The following DDAH1 variants were observed in gnomAD, a reference collection of about 807,000 sequenced individuals.
DDAH1 encodes dimethylarginine dimethylaminohydrolase 1, also known as N(G),N(G)-dimethylarginine dimethylaminohydrolase 1.
A neutral mutation model predicts 28.8 loss-of-function variants in DDAH1; 19 were observed. The ratio of observed to expected loss-of-function variants is 0.66; its 90% CI spans 0.46 to 0.97. The LOEUF is 0.97. Ranked by LOEUF, DDAH1 falls within the 50% of genes least tolerant of loss-of-function variation. The pLI, the probability that DDAH1 is intolerant of heterozygous loss-of-function variation, is 0.00. For missense variants in DDAH1, 326 were observed against 375.9 expected (o/e 0.87, Z 1.10); for synonymous variants, 153 against 154.4 (o/e 0.99, Z 0.07).
intron 1 of DDAH1, among the ~76,000 whole-genome samples, chr1:85,556,488 TAGA>T (rs910647892): frequency 1.4e-4 from 21 of 152,194 alleles, no homozygotes; most frequent in African/African-American, 4.6e-4. Context: ...CAAAGCATTC[TAGA>T]AGGACTGCTT....
At chr1:85,536,948 CATATATATATATATATATATAT>C (rs202209648) in intron 1 of DDAH1, among the ~76,000 whole-genome samples, 1 of 91,824 alleles carries the variant, frequency 1.1e-5, no homozygotes, top group Non-Finnish European at 2.2e-5. Flanking sequence ...GAAAATGTGG[CATATATATATATATATATATAT>C]ATATATATAT....
chr1:85,419,921 T>A (rs1317572677), intron 1 of DDAH1, among the ~76,000 whole-genome samples: 1 of 152,212 alleles, frequency 6.6e-6, no homozygotes, highest in African/African-American at 2.4e-5. Flanking sequence ...TTTCCTTGAT[T>A]TTTTAAAAAT....
At chr1:85,382,435 G>A (rs1651041256) in intron 1 of DDAH1, among the ~76,000 whole-genome samples, 1 of 152,116 alleles carries the variant, frequency 6.6e-6, no homozygotes, top group African/African-American at 2.4e-5. Flanking sequence ...AGCAGAGGCT[G>A]GCTTATGAGG....
rs41379646 is a variant in DDAH1, at chr1:85,342,468, A to G, written c.597+7947T>C. Among the ~76,000 whole-genome samples, 862 of 152,128 alleles carry G rather than the reference A, an allele frequency of 5.7e-3. 12 individuals are homozygous for G. Among genetic ancestry groups the G allele is most frequent in the African/African-American group, 0.02 (820 of 41,516 alleles). ...AATGCAAGCTTCCTGTTCTCAGAAAATGATAACATTAGTGATTTTGGTAAC... is the reference window on the plus strand; with the variant it reads ...AATGCAAGCTTCCTGTTCTCAGAAAGTGATAACATTAGTGATTTTGGTAAC... On this transcript the variant is annotated intron_variant, in intron 4 of 5. Transcript: ENST00000284031.
At chr1:85,430,224 T>C (rs1251499612) in intron 1 of DDAH1, among the ~76,000 whole-genome samples, 1 of 152,220 alleles carries the variant, frequency 6.6e-6, no homozygotes, top group Non-Finnish European at 1.5e-5. Flanking sequence ...TGTGGTGTTA[T>C]TTCTGAGGGC....
chr1:85,424,248 T>C (rs1442777177), intron 1 of DDAH1, among the ~76,000 whole-genome samples: 1 of 152,168 alleles, frequency 6.6e-6, no homozygotes, highest in Non-Finnish European at 1.5e-5. Context: ...AAGTGCTCTC[T>C]CTGCTTCTGT....
At chr1:85,493,318 G>A (rs1161217863) in intron 2 of DDAH1, 1 of 152,062 alleles carries the variant, frequency 6.6e-6, no homozygotes, top group African/African-American at 2.4e-5. Flanking sequence ...ATGACTTAAA[G>A]TTAAGTTGGT....
rs143651759 is a variant in DDAH1 at position 85,563,502 on chromosome 1, T to C, written c.-123+14482A>G. Reference sequence around the variant, plus strand: ...CTAAATTAAATGCCACTTTGGTCTCTACAAAACTTAAAAGTAAGACTTGAA... The same window carrying C: ...CTAAATTAAATGCCACTTTGGTCTCCACAAAACTTAAAAGTAAGACTTGAA... On this transcript the variant is annotated intron_variant, in intron 1 of 6. Transcript: ENST00000426972. Among the ~76,000 whole-genome samples the C allele has an allele frequency of 4.8e-3, 729 of 152,308 alleles. 6 individuals are homozygous for C. The highest frequency in any genetic ancestry group is 0.016 in the African/African-American group (679 of 41,564).
chr1:85,451,067 G>A (rs534487147), intron 1 of DDAH1, among the ~76,000 whole-genome samples: 1 of 152,338 alleles, frequency 6.6e-6, no homozygotes, highest in South Asian at 2.1e-4. Context: ...GGCGCTGGGT[G>A]ACTGGCCCGG....
chr1:85,420,612 C>A (rs1408690767), intron 1 of DDAH1, among the ~76,000 whole-genome samples: 1 of 152,206 alleles, frequency 6.6e-6, no homozygotes, highest in Non-Finnish European at 1.5e-5. Flanking sequence ...CCAATAAGCT[C>A]ATTTCCATCT....
At chr1:85,526,889 G>A (rs1657892167) in intron 1 of DDAH1, among the ~76,000 whole-genome samples, 1 of 149,480 alleles carries the variant, frequency 6.7e-6, no homozygotes, top group East Asian at 2.0e-4. Flanking sequence ...AAGGAGGGAG[G>A]GAGAAAAGAG....
intron 1 of DDAH1, among the ~76,000 whole-genome samples, chr1:85,434,117 CT>C (rs930873567): frequency 3.3e-5 from 5 of 152,262 alleles, no homozygotes; most frequent in East Asian, 1.9e-4. Context: ...CCCTCACCCC[CT>C]ATCCTAACAG....
chr1:85,537,014 A>G (rs1421539404), intron 1 of DDAH1, among the ~76,000 whole-genome samples: 2 of 148,606 alleles, frequency 1.3e-5, no homozygotes, highest in Non-Finnish European at 3.0e-5. Flanking sequence ...GTGTGTATGT[A>G]TATATATATA....
chr1:85,511,343 T>A (rs1420668451), intron 1 of DDAH1, among the ~76,000 whole-genome samples: 1 of 152,166 alleles, frequency 6.6e-6, no homozygotes, highest in Non-Finnish European at 1.5e-5. Flanking sequence ...TGGGACACAT[T>A]TAAAGCAGTG....
chr1:85,403,489 G>C (rs1652254378), intron 1 of DDAH1, among the ~76,000 whole-genome samples: 1 of 152,038 alleles, frequency 6.6e-6, no homozygotes, highest in South Asian at 2.1e-4. Flanking sequence ...TGGAGCATTT[G>C]CAATTTTTCA....
chr1:85,474,537 CGTT>C (rs1655729084), intron 2 of DDAH1, among the ~76,000 whole-genome samples: 1 of 152,146 alleles, frequency 6.6e-6, no homozygotes, highest in Non-Finnish European at 1.5e-5. Context: ...TCTTTAGACT[CGTT>C]GAAGTCATCA....
At chr1:85,419,849 A>G (rs1272340500) in intron 1 of DDAH1, among the ~76,000 whole-genome samples, 1 of 152,136 alleles carries the variant, frequency 6.6e-6, no homozygotes, top group Non-Finnish European at 1.5e-5. Context: ...TAAGACCTTG[A>G]GAGTTTTCAG....
At chr1:85,438,529 T>C (rs1654042229) in intron 1 of DDAH1, among the ~76,000 whole-genome samples, 1 of 152,202 alleles carries the variant, frequency 6.6e-6, no homozygotes, top group Non-Finnish European at 1.5e-5. Flanking sequence ...GACTTCTGAC[T>C]GTGTGAAAGT....
chr1:85,464,889 C>T lies in DDAH1; in HGVS notation c.157G>A (p.Val53Met). Residue 53 changes from valine (V) to methionine (M), a missense_variant, in exon 1 of 6, where the codon GTG becomes ATG. By Grantham distance (21) the Val-to-Met change is conservative (BLOSUM62 1). Coordinates refer to ENST00000284031, the MANE Select transcript of DDAH1 (RefSeq NM_012137.4). This position sits in a 1 kb window ranked among gnomAD's most constrained non-coding sequence, Gnocchi z 4.4. ...AERQHQLYVG[V>M]LGSKLGLQVV... ...TGCAGCCCCAGCTTGCTGCCCAGCA[C>T]GCCCACGTAGAGCTGGTGCTGCCGT... 6.3e-7 allele frequency: 1 copy of T among 1,578,680 alleles called. No individual in the cohort carries two copies.
Sources: gnomAD v4.1 joint callset for allele counts (sites outside exome capture counted in the v4.1 genomes callset) on GRCh38, gnomAD v4.1.1 for gene constraint, Gnocchi (gnomAD v3.1) non-coding constraint, MANE v1.5 for transcripts, NCBI Gene and HGNC (gene_info 2026-07-23, HGNC 2026-07-21) for gene names.